The following STAG2 variants were observed in gnomAD, a reference collection of about 807,000 sequenced individuals.
STAG2 encodes cohesin subunit SA-2.
Under a neutral mutation model 108.1 loss-of-function variants are expected in STAG2, and 14 were observed. The ratio of observed to expected loss-of-function variants is 0.13; its 90% CI spans 0.09 to 0.20. The LOEUF is 0.20. STAG2 is among the 10% of genes least tolerant of loss of function. The pLI, the probability that STAG2 is intolerant of heterozygous loss-of-function variation, is 1.00. For missense variants in STAG2, 440 were observed against 940.9 expected, an observed-to-expected ratio of 0.47 and a Z score of 6.96; for synonymous variants, 307 against 302.7, an observed-to-expected ratio of 1.01 and a Z score of -0.15.
chrX:124,064,590 T>C (rs1018500323), intron 20 of STAG2, among the ~76,000 whole-genome samples: 54 of 109,731 alleles, frequency 4.9e-4, no homozygotes, highest in African/African-American at 1.8e-3. Context: ...ACTATAGGCG[T>C]GTGCCACTGT....
intron 34 of STAG2, among the ~76,000 whole-genome samples, chrX:124,096,082 T>C (rs913292294): frequency 9.1e-6 from 1 of 110,472 alleles, no homozygotes; most frequent in African/African-American, 3.3e-5. Flanking sequence ...TAAGCTGATA[T>C]TGCAGTCCCG....
intron 6 of STAG2, among the ~76,000 whole-genome samples, chrX:124,039,783 C>T (rs1184983401): frequency 9.1e-6 from 1 of 109,662 alleles, no homozygotes; most frequent in Non-Finnish European, 1.9e-5. Context: ...AGCCACCCCT[C>T]CCGCCTGAGT....
At chrX:124,023,121 G>T (rs1284012841) in intron 3 of STAG2, among the ~76,000 whole-genome samples, 8 of 112,042 alleles carry the variant, frequency 7.1e-5, no homozygotes, top group African/African-American at 9.7e-5. Context: ...TTTCAACATA[G>T]GTATCCTCTT....
intron 1 of STAG2, among the ~76,000 whole-genome samples, chrX:123,967,648 G>A (rs899023987): frequency 9.1e-6 from 1 of 110,339 alleles, no homozygotes; most frequent in African/African-American, 3.3e-5. Context: ...TGATTTTGTT[G>A]TGTGAGCATC....
At chrX:124,032,252 A>G (rs1184380043) in intron 5 of STAG2, among the ~76,000 whole-genome samples, 1 of 111,708 alleles carries the variant, frequency 9.0e-6, no homozygotes, top group Non-Finnish European at 1.9e-5. Context: ...GTCTATTACA[A>G]ATTTTATTAT....
At chrX:123,977,945 C>T (rs1297190577) in intron 1 of STAG2, among the ~76,000 whole-genome samples, 1 of 100,424 alleles carries the variant, frequency 1.0e-5, no homozygotes, top group East Asian at 3.2e-4. Context: ...TGGGCTCAAG[C>T]GGTACTCTTA....
At chrX:124,083,358 AT>A in intron 28 of STAG2, 62 bp from the exon 29 acceptor site, 1 of 949,143 alleles carries the variant, frequency 1.1e-6, no homozygotes, top group Non-Finnish European at 1.4e-6. Context: ...TTCCTAAGTT[AT>A]TGACTTTTTT....
At chrX:124,032,705 C>T (rs1289928103) in intron 5 of STAG2, among the ~76,000 whole-genome samples, 2 of 111,565 alleles carry the variant, frequency 1.8e-5, no homozygotes, top group Non-Finnish European at 3.8e-5. Flanking sequence ...TCTGTTCCTG[C>T]GTTAATTCAC....
At chrX:123,969,748 C>T (rs183423788) in intron 1 of STAG2, among the ~76,000 whole-genome samples, 11 of 109,329 alleles carry the variant, frequency 1.0e-4, no homozygotes, top group Non-Finnish European at 1.5e-4. Flanking sequence ...CAGGTTCAAG[C>T]GATTTCCTCG....
Position 124,066,217 on chromosome X carries a change from C to T in STAG2, c.2139C>T (p.Tyr713=), listed in dbSNP as rs2058524940. The change falls in exon 22 of 35, where the codon TAC becomes TAT. Residue 713 remains tyrosine (Y), a synonymous_variant. Transcript: ENST00000371145. ...AGTGGGATTTATTTGCTTGTAATTA[C>T]AAACTCTTGAAAACTGGAATCGAAA... ...LSKWDLFACN[Y]KLLKTGIENG... The T allele has an allele frequency of 3.0e-6, 3 of 1,010,115 alleles. No homozygotes were observed. The highest frequency in any genetic ancestry group is 5.5e-5 in the Admixed American group (2 of 36,064). 83.2% of individuals were successfully genotyped at this position (1,010,115 alleles called of 1,213,427 possible).
chrX:124,014,974 C>CTTTTCTTT (rs2056654601), intron 1 of STAG2, among the ~76,000 whole-genome samples: 3 of 47,660 alleles, frequency 6.3e-5, no homozygotes, highest in African/African-American at 2.3e-4. Context: ...GTTTGACGTA[C>CTTTTCTTT]TTTTCTTTTT....
intron 1 of STAG2, among the ~76,000 whole-genome samples, chrX:123,965,751 T>C (rs2054066956): frequency 9.0e-6 from 1 of 111,085 alleles, no homozygotes. Context: ...ACCAACACTT[T>C]GGGAGGCTGA....
intron 3 of STAG2, 29 bp from the exon 4 acceptor site, chrX:124,025,811 G>T (rs1384304447): frequency 9.8e-7 from 1 of 1,017,241 alleles, no homozygotes; most frequent in Non-Finnish European, 1.3e-6. Flanking sequence ...TTCTAAGGAA[G>T]GGTTTTAATT....
intron 1 of STAG2, among the ~76,000 whole-genome samples, chrX:123,982,752 CTTTTTTTTTG>C (rs2054945369): frequency 6.7e-5 from 5 of 74,304 alleles, no homozygotes; most frequent in Non-Finnish European, 1.2e-4. Context: ...TTTTTTTTGC[CTTTTTTTTTG>C]CCCTTTTTTT....
intron 1 of STAG2, among the ~76,000 whole-genome samples, chrX:124,000,367 C>T (rs1190149200): frequency 9.0e-6 from 1 of 111,416 alleles, no homozygotes; most frequent in Admixed American, 9.6e-5. Flanking sequence ...TTAGAATGTA[C>T]TATTACTTAT....
At chrX:124,028,992 TATATATA>T in intron 4 of STAG2, among the ~76,000 whole-genome samples, 1 of 91,520 alleles carries the variant, frequency 1.1e-5, no homozygotes, top group Non-Finnish European at 2.1e-5. Flanking sequence ...TATTTATATA[TATATATA>T]TATATATATA....
chrX:124,013,358 T>C (rs184585876), intron 1 of STAG2, among the ~76,000 whole-genome samples: 5 of 109,688 alleles, frequency 4.6e-5, no homozygotes, highest in African/African-American at 1.7e-4. Context: ...CGCACACCAG[T>C]CCAGAAAGCT....
intron 25 of STAG2, 61 bp downstream of exon 25, chrX:124,071,384 CAAT>C (rs1195679344): frequency 5.5e-6 from 5 of 901,682 alleles, no homozygotes; most frequent in East Asian, 6.8e-5. Context: ...ACTTAAGTAA[CAAT>C]GATGTACATC....
At chrX:123,984,978 C>G (rs941647503) in intron 1 of STAG2, among the ~76,000 whole-genome samples, 5 of 111,455 alleles carry the variant, frequency 4.5e-5, no homozygotes, top group Admixed American at 9.6e-5. Context: ...TAAATTTAGT[C>G]TTAGTTGTGA....
Sources: allele counts gnomAD v4.1 joint callset (sites outside exome capture counted in the v4.1 genomes callset), GRCh38; gene constraint gnomAD v4.1.1; transcripts MANE v1.5; gene names NCBI Gene and HGNC (gene_info 2026-07-23, HGNC 2026-07-21).